Variants in SLC7A8 observed in about 807,000 individuals in gnomAD.
SLC7A8 encodes the protein solute carrier family 7 member 8.
A neutral mutation model predicts 51.2 loss-of-function variants in SLC7A8; 30 were observed. The ratio of observed to expected loss-of-function variants is 0.59; its 90% CI spans 0.44 to 0.80. The LOEUF (loss-of-function observed/expected upper bound fraction) is 0.80. SLC7A8 is among the 30% of genes least tolerant of loss of function. The probability of loss-of-function intolerance (pLI) is 0.00; values close to 1 mark genes in which losing one functional copy is unlikely to be tolerated. For synonymous variants in SLC7A8, 257 were observed against 275.8 expected (o/e 0.93, Z 0.67); for missense variants, 612 against 674.4 (o/e 0.91, Z 1.03).
chr14:23,171,614 G>A (rs2140338378), intron 1 of SLC7A8, among the ~76,000 whole-genome samples: 1 of 152,344 alleles, frequency 6.6e-6, no homozygotes, highest in East Asian at 1.9e-4. Context: ...TCTAGCCACA[G>A]CCTCCTCCTG....
At chr14:23,135,382 G>A (rs574723383) in intron 7 of SLC7A8, among the ~76,000 whole-genome samples, 20 of 150,586 alleles carry the variant, frequency 1.3e-4, no homozygotes, top group South Asian at 6.4e-4. Context: ...GAGCCACTGC[G>A]CCTGGACATA....
At chr14:23,134,089 C>T (rs1005006226) in intron 7 of SLC7A8, among the ~76,000 whole-genome samples, 1 of 152,024 alleles carries the variant, frequency 6.6e-6, no homozygotes, top group Non-Finnish European at 1.5e-5. Flanking sequence ...TACAGGTGTG[C>T]ACCACCACAC....
intron 1 of SLC7A8, among the ~76,000 whole-genome samples, chr14:23,180,795 A>T (rs1877135883): frequency 6.6e-6 from 1 of 152,110 alleles, no homozygotes; most frequent in South Asian, 2.1e-4. Context: ...AATACCCTCT[A>T]CCCTTGAATA....
chr14:23,182,181 C>T (rs965668869), intron 1 of SLC7A8, among the ~76,000 whole-genome samples: 2 of 152,196 alleles, frequency 1.3e-5, no homozygotes, highest in African/African-American at 4.8e-5. Context: ...TCTTTTCTTC[C>T]ATAACTTCCC....
intron 6 of SLC7A8, among the ~76,000 whole-genome samples, chr14:23,138,895 C>T (rs1345698312): frequency 6.6e-6 from 1 of 152,112 alleles, no homozygotes; most frequent in Admixed American, 6.5e-5. Context: ...CAGCCTGATG[C>T]CAGGTGAGGG....
At chr14:23,135,549 C>A (rs1465801137) in intron 7 of SLC7A8, among the ~76,000 whole-genome samples, 2 of 151,380 alleles carry the variant, frequency 1.3e-5, no homozygotes, top group Non-Finnish European at 3.0e-5. Context: ...AAAAATACAA[C>A]AAATTAGCCA....
chr14:23,135,229 A>G (rs1337319169), intron 7 of SLC7A8, among the ~76,000 whole-genome samples: 2 of 151,964 alleles, frequency 1.3e-5, no homozygotes, highest in Admixed American at 6.6e-5. Context: ...CTGGGAGTAC[A>G]GGCACCTGCC....
chr14:23,153,343 G>C (rs2048863694), intron 3 of SLC7A8, among the ~76,000 whole-genome samples: 1 of 152,156 alleles, frequency 6.6e-6, no homozygotes, highest in South Asian at 2.1e-4. Flanking sequence ...ACCAGACTGG[G>C]ACAGCCCAAT....
At chr14:23,153,152 G>T (rs192491375) in intron 3 of SLC7A8, among the ~76,000 whole-genome samples, 19 of 151,964 alleles carry the variant, frequency 1.3e-4, no homozygotes, top group East Asian at 9.7e-4. Context: ...TCATTCTGTC[G>T]CCCAGGCTGA....
intron 3 of SLC7A8, among the ~76,000 whole-genome samples, chr14:23,162,276 C>T (rs1294121591): frequency 4.6e-5 from 7 of 152,078 alleles, no homozygotes; most frequent in South Asian, 2.1e-4. Context: ...GACACTGCAG[C>T]GGGACAGGTG....
chr14:23,147,455 A>C (rs181248200), intron 3 of SLC7A8, among the ~76,000 whole-genome samples: 96 of 152,296 alleles, frequency 6.3e-4, no homozygotes, highest in African/African-American at 2.2e-3. Context: ...GGAACCACTA[A>C]CTCAGCCCAG....
At chr14:23,156,871 G>A (rs866464931) in intron 3 of SLC7A8, among the ~76,000 whole-genome samples, 2 of 152,224 alleles carry the variant, frequency 1.3e-5, no homozygotes, top group Admixed American at 6.5e-5. Flanking sequence ...CAGAACTTCT[G>A]TCTGAGAGTA....
At chr14:23,133,944 T>C (rs1018146520) in intron 7 of SLC7A8, among the ~76,000 whole-genome samples, 7 of 151,782 alleles carry the variant, frequency 4.6e-5, no homozygotes, top group Admixed American at 6.6e-5. Flanking sequence ...ATAATGCAAA[T>C]AATTTTTTTT....
chr14:23,157,717 G>A (rs1266361063), intron 3 of SLC7A8, among the ~76,000 whole-genome samples: 1 of 152,152 alleles, frequency 6.6e-6, no homozygotes, highest in Non-Finnish European at 1.5e-5. Flanking sequence ...CCTCCGTGCT[G>A]AATATTGCCT....
chr14:23,183,039 C>A lies in SLC7A8; in HGVS notation c.-125G>T. On this transcript the variant is annotated 5_prime_UTR_variant, in exon 1 of 11. Coordinates refer to ENST00000316902, the MANE Select transcript of SLC7A8 (RefSeq NM_012244.4). ...CCGAAATAGGAACCACTGCTACTCT[C>A]TAAAAAAGGCAAGCAGATAAAAGAG... 1 of 1,030,320 alleles carries A rather than the reference C, an allele frequency of 9.7e-7. No homozygotes were observed. Among genetic ancestry groups the A allele is most frequent in the Non-Finnish European group, 1.4e-6 (1 of 735,418 alleles). The allele number at this position is 1,030,320 out of a possible 1,614,324, so 63.8% of individuals were successfully genotyped here. A position where few individuals can be genotyped will look rare whatever the true frequency, so the allele number is the denominator to read the frequency against.
intron 8 of SLC7A8, among the ~76,000 whole-genome samples, chr14:23,130,562 T>G (rs1433264530): frequency 6.6e-6 from 1 of 152,196 alleles, no homozygotes; most frequent in Non-Finnish European, 1.5e-5. Context: ...GTCACACTAC[T>G]GCACCAATAG....
chr14:23,180,806 C>A (rs1397229170), intron 1 of SLC7A8, among the ~76,000 whole-genome samples: 1 of 152,088 alleles, frequency 6.6e-6, no homozygotes, highest in Admixed American at 6.5e-5. Flanking sequence ...CCCTTGAATA[C>A]CTGAACCTGG....
At chr14:23,166,197 A>C in intron 2 of SLC7A8, 139 bp downstream of exon 2, 1 of 833,090 alleles carries the variant, frequency 1.2e-6, no homozygotes, top group Non-Finnish European at 1.9e-6. Flanking sequence ...GGAAAGCAGA[A>C]GAGACATTCC....
chr14:23,175,587 G>T (rs2048995666), intron 1 of SLC7A8, among the ~76,000 whole-genome samples: 1 of 152,178 alleles, frequency 6.6e-6, no homozygotes, highest in Non-Finnish European at 1.5e-5. Flanking sequence ...TACCTGCCGG[G>T]TTCCTACTTT....
Sources: gnomAD v4.1 joint callset for allele counts (sites outside exome capture counted in the v4.1 genomes callset) on GRCh38, gnomAD v4.1.1 for gene constraint, MANE v1.5 for transcripts, NCBI Gene and HGNC (gene_info 2026-07-23, HGNC 2026-07-21) for gene names.